ZNF658: variants seen among roughly 807,000 people sequenced by gnomAD.
ZNF658 encodes the protein zinc finger protein 658.
In ZNF658, 46 loss-of-function variants were observed where a neutral mutation model predicts 78.0. The observed-to-expected ratio is 0.59, with a 90% CI of 0.47 to 0.75. The LOEUF (loss-of-function observed/expected upper bound fraction) is 0.75, where lower values mean the gene tolerates loss of function less well. Among genes scored for constraint, ZNF658 ranks in the 30% least tolerant of loss-of-function variants. The probability of loss-of-function intolerance (pLI) is 0.00; values close to 1 mark genes in which losing one functional copy is unlikely to be tolerated. For missense variants in ZNF658, 785 were observed against 1,189.3 expected, an observed-to-expected ratio of 0.66 and a Z score of 5.00; for synonymous variants, 279 against 408.4, an observed-to-expected ratio of 0.68 and a Z score of 3.82.
At chr9:66,914,890 ATCTTGC>A (rs2118043788) in intron 4 of ZNF658, among the ~76,000 whole-genome samples, 1 of 152,246 alleles carries the variant, frequency 6.6e-6, no homozygotes, top group East Asian at 1.9e-4. Context: ...TATTTGCCTA[ATCTTGC>A]TATGAGGATG....
chr9:66,922,984 C>T (rs1450689346), downstream of ZNF658, among the ~76,000 whole-genome samples: 1 of 151,626 alleles, frequency 6.6e-6, no homozygotes, highest in African/African-American at 2.4e-5. Context: ...TGGGACAGGA[C>T]TAATAGGATA....
At chr9:66,904,951 G>GTAATATGA (rs1822037705) in intron 2 of ZNF658, among the ~76,000 whole-genome samples, 1 of 149,498 alleles carries the variant, frequency 6.7e-6, no homozygotes, top group Non-Finnish European at 1.5e-5. Context: ...AAATCAGCCT[G>GTAATATGA]TAATATGATG....
At position 66,917,965 on chromosome 9, in the gene ZNF658, A is replaced by T. The variant is rs1209443714; in HGVS notation, c.399A>T (p.Glu133Asp). The T allele has an allele frequency of 6.2e-7, 1 of 1,608,916 alleles. No individual in the cohort carries two copies. Among genetic ancestry groups the T allele is most frequent in the South Asian group, 1.1e-5 (1 of 90,056 alleles). ...FNLEIAPELSEKISCKCDSHR... is the reference protein window; with the variant it reads ...FNLEIAPELSDKISCKCDSHR... ...TGGAAATAGCTCCAGAGCTTTCAGA[A>T]AAAATATCCTGTAAATGTGACTCAC... Residue 133 changes from glutamate (E) to aspartate (D), a missense_variant, in exon 5 of 5, where the codon GAA becomes GAT. Physicochemically the swap from Glu to Asp is conservative, Grantham distance 45. This residue lies in a region of ZNF658 where 54 missense variants were observed against 48.9 expected (regional missense o/e 1.10). Transcript: ENST00000621410.
Position 66,919,692 on chromosome 9 carries a change from C to G in ZNF658, c.2126C>G (p.Thr709Arg). The G allele has an allele frequency of 6.2e-7, 1 of 1,612,884 alleles. No individual in the cohort carries two copies. Among genetic ancestry groups the G allele is most frequent in the Non-Finnish European group, 8.5e-7 (1 of 1,179,896 alleles). Residue 709 changes from threonine (T) to arginine (R), a missense_variant, in exon 5 of 5, where the codon ACG (threonine) becomes AGG (arginine). Physicochemically the swap from Thr to Arg is moderately conservative, Grantham distance 71. Around this residue, in one of 12 missense-constraint regions of ZNF658, gnomAD observed 75 missense variants for 147.1 expected, o/e 0.51. Coordinates refer to ENST00000621410, the MANE Select transcript of ZNF658 (RefSeq NM_033160.7). Reference protein sequence around the residue: ...SALKIHQRIHTGEKPYECNEC... With the variant: ...SALKIHQRIHRGEKPYECNEC... Reference sequence around the variant, plus strand: ...CTCAAAATACATCAGAGAATTCACACGGGGGAGAAACCCTATGAATGTAAT... The same window carrying G: ...CTCAAAATACATCAGAGAATTCACAGGGGGGAGAAACCCTATGAATGTAAT...
At chr9:66,926,234 A>G (rs2118131623), downstream of ZNF658, among the ~76,000 whole-genome samples, 1 of 116,962 alleles carries the variant, frequency 8.5e-6, no homozygotes, top group East Asian at 2.5e-4. Context: ...AGTCCTGCCC[A>G]GAATGATTAT....
At chr9:66,928,373 AG>A (rs1248373765) in intron 6 of ZNF658, among the ~76,000 whole-genome samples, 2 of 151,880 alleles carry the variant, frequency 1.3e-5, no homozygotes, top group Admixed American at 6.6e-5. Flanking sequence ...GTAACATGAC[AG>A]GAAGTTTTGT....
chr9:66,919,064 G>A lies in ZNF658; in HGVS notation c.1498G>A (p.Gly500Arg). ...GGAACTCTGTGGTGGCAGTGAATAT[G>A]GGAAGACATCACATCTCAAAGGACA... ...EMELCGGSEY[G>R]KTSHLKGHQR... The change falls in exon 5 of 5, where the codon GGG becomes AGG. Residue 500 changes from glycine to arginine, a missense_variant. Transcript: ENST00000621410. 1.6e-6 allele frequency: 1 copy of A among 633,220 alleles called. No homozygotes were observed. The highest frequency in any genetic ancestry group is 1.9e-5 in the South Asian group (1 of 51,862). 39.2% of individuals were successfully genotyped at this position (633,220 alleles called of 1,614,324 possible). A position where few individuals can be genotyped will look rare whatever the true frequency, so the allele number is the denominator to read the frequency against.
chr9:66,908,355 A>T lies in ZNF658; in HGVS notation c.133A>T (p.Ile45Phe), dbSNP rs4262361. 6.2e-7 allele frequency: 1 copy of T among 1,612,518 alleles called. No homozygotes were observed. Among genetic ancestry groups the T allele is most frequent in the Admixed American group, 1.7e-5 (1 of 59,886 alleles). Reference protein sequence around the residue: ...DVMLENYSHLISVGYCITKPK... With the variant: ...DVMLENYSHLFSVGYCITKPK... ...GATGCTGGAGAACTACAGCCACCTC[A>T]TCTCAGTGGGTGAGCATAGCTTACC... is the stretch of plus-strand genomic sequence containing the variant. Residue 45 changes from isoleucine (I) to phenylalanine (F), a missense_variant, in exon 3 of 5, where the codon ATC becomes TTC. By Grantham distance (21) the Ile-to-Phe change is conservative (BLOSUM62 0). This residue lies in a region of ZNF658 where 79 missense variants were observed against 96.5 expected (regional missense o/e 0.82). Transcript: ENST00000621410.
rs1370367414 is a variant in ZNF658 at position 66,918,395 on chromosome 9, A to G, written c.829A>G (p.Thr277Ala). ...GKCSDLNEYGTSCDKTTAVEY... is the reference protein window; with the variant it reads ...GKCSDLNEYGASCDKTTAVEY... ...ATGCTCTGATCTTAATGAATATGGG[A>G]CATCCTGTGACAAAACCACCGCTGT... The change falls in exon 5 of 5, where the codon ACA (threonine) becomes GCA (alanine). Residue 277 changes from threonine (T) to alanine (A), a missense_variant. Physicochemically the swap from Thr to Ala is moderately conservative, Grantham distance 58. Transcript: ENST00000621410. The G allele has an allele frequency of 6.2e-7, 1 of 1,613,576 alleles. No individual in the cohort carries two copies. Among genetic ancestry groups the G allele is most frequent in the Non-Finnish European group, 8.5e-7 (1 of 1,179,758 alleles).
At chr9:66,928,317 CACACAGGTGAATTGGAAAAA>C (rs1298113636) in intron 6 of ZNF658, among the ~76,000 whole-genome samples, 1 of 151,550 alleles carries the variant, frequency 6.6e-6, no homozygotes, top group Non-Finnish European at 1.5e-5. Context: ...AAGAGAAAAA[CACACAGGTGAATTGGAAAAA>C]AAGCAAAATT....
intron 4 of ZNF658, among the ~76,000 whole-genome samples, chr9:66,910,761 A>G (rs1260597800): frequency 6.7e-6 from 1 of 148,502 alleles, no homozygotes; most frequent in Admixed American, 6.9e-5. Context: ...GCACCACTGC[A>G]CTCCGGCCTG....
intron 4 of ZNF658, among the ~76,000 whole-genome samples, chr9:66,914,426 C>G (rs981857239): frequency 1.7e-4 from 26 of 151,912 alleles, no homozygotes; most frequent in Admixed American, 1.4e-3. Context: ...TGTAAATTTA[C>G]TCTGTATCTT....
chr9:66,930,624 A>C (rs1822632258), intron 6 of ZNF658, among the ~76,000 whole-genome samples: 1 of 152,096 alleles, frequency 6.6e-6, no homozygotes, highest in African/African-American at 2.4e-5. Context: ...TCTGGTCAAC[A>C]TGGTGAAATG....
At chr9:66,913,617 A>G (rs1158821549) in intron 4 of ZNF658, among the ~76,000 whole-genome samples, 21 of 151,974 alleles carry the variant, frequency 1.4e-4, no homozygotes, top group Non-Finnish European at 2.8e-4. Flanking sequence ...GTTTTCTTTT[A>G]CAGAACCTGC....
chr9:66,903,036 T>C (rs1821989553), intron 1 of ZNF658: 2 of 158,076 alleles, frequency 1.3e-5, no homozygotes, highest in Non-Finnish European at 2.8e-5. Flanking sequence ...TGAGTAGTTC[T>C]TTGACATTAG....
chr9:66,914,886 C>T (rs1206289306), intron 4 of ZNF658, among the ~76,000 whole-genome samples: 2 of 151,940 alleles, frequency 1.3e-5, no homozygotes, highest in Non-Finnish European at 2.9e-5. Flanking sequence ...ATAGTATTTG[C>T]CTAATCTTGC....
At position 66,905,068 on chromosome 9, in the gene ZNF658, C is replaced by CTTTTTTTTTT. The variant is rs1165611922; in HGVS notation, c.15+1508_15+1517dup. On this transcript the variant is annotated intron_variant, in intron 2 of 4. Coordinates refer to ENST00000621410, the MANE Select transcript of ZNF658 (RefSeq NM_033160.7). ...CTTTTTTCTTTTCTCTTTTTCTTTT[C>CTTTTTTTTTT]TTTTTTTTTTTTTTTTTTTTTTTTT... Among the ~76,000 whole-genome samples, 235 of 31,724 alleles carry CTTTTTTTTTT rather than the reference C, an allele frequency of 7.4e-3. 1 individual carries two copies. The highest frequency in any genetic ancestry group is 0.01 in the East Asian group (13 of 1,258). The allele number at this position is 31,724 out of a possible 152,430, so 20.8% of individuals were successfully genotyped here.
At chr9:66,908,837 A>C (rs1822145991) in intron 4 of ZNF658, 103 bp downstream of exon 4, 1 of 683,480 alleles carries the variant, frequency 1.5e-6, no homozygotes, top group African/African-American at 1.8e-5. Context: ...GATATAATTC[A>C]CATGCCTACA....
rs189213904 is a variant in ZNF658 at position 66,908,496 on chromosome 9, G to T, written c.142+132G>T. ...GTTTGAAGTAGTTGAAACCTTTACA[G>T]AAACAAAAGCAACATGTCATTACTT... On this transcript the variant is annotated intron_variant, in intron 3 of 4. Coordinates refer to ENST00000621410, the MANE Select transcript of ZNF658 (RefSeq NM_033160.7). 11 of 1,487,904 alleles carry T rather than the reference G, an allele frequency of 7.4e-6. No homozygotes were observed. In the African/African-American group the frequency reaches 1.4e-4, roughly 19 times the overall value. 92.2% of individuals were successfully genotyped at this position (1,487,904 alleles called of 1,614,324 possible).
Sources: gnomAD v4.1 joint callset for allele counts (sites outside exome capture counted in the v4.1 genomes callset) on GRCh38, gnomAD v4.1.1 for gene constraint, gnomAD v4.1.1 regional missense constraint, MANE v1.5 for transcripts, NCBI Gene and HGNC (gene_info 2026-07-23, HGNC 2026-07-21) for gene names.